Variants in MGAM2 observed in about 807,000 individuals in gnomAD.
MGAM2 encodes maltase-glucoamylase 2 (putative), also known as probable maltase-glucoamylase 2.
Under a neutral mutation model 96.1 loss-of-function variants are expected in MGAM2, and 98 were observed. The ratio of observed to expected loss-of-function variants is 1.02; its 90% CI spans 0.87 to 1.21. The LOEUF (loss-of-function observed/expected upper bound fraction) is 1.21. MGAM2 is among the 50% of genes most tolerant of loss of function. The pLI, the probability that MGAM2 is intolerant of heterozygous loss-of-function variation, is 0.00. For synonymous variants in MGAM2, 749 were observed against 414.8 expected (o/e 1.81, Z -9.79); for missense variants, 2,055 against 1,182.4 (o/e 1.74, Z -10.82).
rs769862357 is a variant in MGAM2, at chr7:142,198,636, G to A, written c.4945G>A (p.Gly1649Ser). Reference sequence around the variant, plus strand: ...CTAGGGAACTAGCAGCACATCAACAGGTCAGAGGAAAATCCTGAAGGCTCC... The same window carrying A: ...CTAGGGAACTAGCAGCACATCAACAAGTCAGAGGAAAATCCTGAAGGCTCC... ...YSTGTSSTST[G>S]QRKILKAPLD... The change falls in exon 44 of 48, where the codon GGT (glycine) becomes AGT (serine). Residue 1649 changes from glycine to serine, a missense_variant. Gly to Ser is a moderately conservative substitution (Grantham distance 56, BLOSUM62 0). Coordinates refer to ENST00000477922, the MANE Select transcript of MGAM2 (RefSeq NM_001293626.2). 4.3e-6 allele frequency: 3 copies of A among 703,114 alleles called. No homozygotes were observed. In the South Asian group the frequency reaches 4.4e-5, roughly 10 times the overall value. The allele number at this position is 703,114 out of a possible 1,614,324, so 43.6% of individuals were successfully genotyped here.
chr7:142,121,113 ATCT>A (rs1450627884), intron 3 of MGAM2, among the ~76,000 whole-genome samples: 1 of 152,172 alleles, frequency 6.6e-6, no homozygotes, highest in Non-Finnish European at 1.5e-5. Context: ...ATAGTTTTGA[ATCT>A]TCTTGTTATA....
chr7:142,190,386 C>T (rs1796834793), intron 37 of MGAM2, among the ~76,000 whole-genome samples: 1 of 151,138 alleles, frequency 6.6e-6, no homozygotes, highest in Admixed American at 6.6e-5. Flanking sequence ...ATTCTCCAGC[C>T]TCAGACTCCC....
At chr7:142,191,150 TG>T (rs1445227365) in intron 37 of MGAM2, among the ~76,000 whole-genome samples, 24 of 152,014 alleles carry the variant, frequency 1.6e-4, no homozygotes, top group Admixed American at 1.6e-3. Context: ...AAAAAATTAT[TG>T]GATCGTAAGA....
rs766688437 is a variant in MGAM2 at position 142,166,149 on chromosome 7, A to C, written c.2704A>C (p.Ile902Leu). ...ACTGGTACTGGGACAAGAATTCTCT[A>C]TTAGGTGGAATCTTCCTGTCAGTGA... ...QGLVLGQEFS[I>L]RWNLPVSDLE... Residue 902 changes from isoleucine to leucine, a missense_variant, in exon 25 of 48, where the codon ATT becomes CTT. Coordinates refer to ENST00000477922, the MANE Select transcript of MGAM2 (RefSeq NM_001293626.2). 1 of 702,496 alleles carries C rather than the reference A, an allele frequency of 1.4e-6. No homozygotes were observed. Among genetic ancestry groups the C allele is most frequent in the South Asian group, 1.5e-5 (1 of 67,492 alleles). 43.5% of individuals were successfully genotyped at this position (702,496 alleles called of 1,614,324 possible).
At chr7:142,189,637 G>T (rs896618249) in intron 37 of MGAM2, 132 bp downstream of exon 37, 2 of 480,254 alleles carry the variant, frequency 4.2e-6, no homozygotes, top group Non-Finnish European at 3.7e-6. Context: ...AGGCACGGTT[G>T]CCCAAGCAAC....
chr7:142,136,796 T>C (rs1795073883), intron 8 of MGAM2, among the ~76,000 whole-genome samples, 156 bp downstream of exon 8: 1 of 152,238 alleles, frequency 6.6e-6, no homozygotes, highest in Non-Finnish European at 1.5e-5. Context: ...TAGGTTAATC[T>C]GTCTACAAAT....
At chr7:142,210,726 C>A (rs1282484552) in intron 46 of MGAM2, among the ~76,000 whole-genome samples, 1 of 152,256 alleles carries the variant, frequency 6.6e-6, no homozygotes, top group African/African-American at 2.4e-5. Context: ...CTCTCTGGGA[C>A]AGACACCTGG....
chr7:142,153,799 T>G (rs1469755944), intron 15 of MGAM2, among the ~76,000 whole-genome samples: 1 of 152,168 alleles, frequency 6.6e-6, no homozygotes, highest in African/African-American at 2.4e-5. Flanking sequence ...CTATGGGGGC[T>G]AGAATATAGA....
intron 47 of MGAM2, among the ~76,000 whole-genome samples, chr7:142,219,527 G>T (rs1401974329): frequency 6.6e-6 from 1 of 152,162 alleles, no homozygotes; most frequent in African/African-American, 2.4e-5. Context: ...AGGAAAACAT[G>T]AAACTAACCT....
rs932776097 is a variant in MGAM2 at position 142,141,417 on chromosome 7, A to C, written c.1317+298A>C. Among the ~76,000 whole-genome samples the C allele has an allele frequency of 4.6e-5, 7 of 152,286 alleles. No individual in the cohort carries two copies. The South Asian group carries it at 6.2e-4, about 14-fold the overall frequency. On this transcript the variant is annotated intron_variant, in intron 12 of 47. Transcript: ENST00000477922. ...CCAAATTTCTCTTTCCCAAGACAAT[A>C]AATTCAACTACAAAAATATAGCAAG...
chr7:142,184,035 T>A (rs1358453057), intron 33 of MGAM2, among the ~76,000 whole-genome samples: 1 of 144,438 alleles, frequency 6.9e-6, no homozygotes, highest in African/African-American at 2.5e-5. Flanking sequence ...TGCAGTGGTA[T>A]GATCTTGGCT....
chr7:142,156,381 T>A (rs555036862), intron 17 of MGAM2, among the ~76,000 whole-genome samples: 1 of 152,240 alleles, frequency 6.6e-6, no homozygotes, highest in Non-Finnish European at 1.5e-5. Flanking sequence ...TCGCAATTTG[T>A]ATGCTAAGAT....
chr7:142,190,784 T>C (rs963774472), intron 37 of MGAM2, among the ~76,000 whole-genome samples: 1 of 152,192 alleles, frequency 6.6e-6, no homozygotes, highest in Non-Finnish European at 1.5e-5. Context: ...TTTGTATATA[T>C]TCAAATATCT....
chr7:142,211,223 G>A (rs1009997461), intron 46 of MGAM2, among the ~76,000 whole-genome samples: 5 of 152,164 alleles, frequency 3.3e-5, no homozygotes, highest in South Asian at 4.1e-4. Flanking sequence ...ATAAATCCAC[G>A]AAGATGAGGA....
chr7:142,198,117 A>T (rs1391793854), intron 42 of MGAM2, 22 bp from the exon 43 acceptor site: 2 of 700,454 alleles, frequency 2.9e-6, no homozygotes, highest in Middle Eastern at 2.3e-4. Context: ...ATTCATAATG[A>T]CATGTCAATT....
At chr7:142,193,156 A>G (rs1563287040) in intron 37 of MGAM2, among the ~76,000 whole-genome samples, 1 of 152,098 alleles carries the variant, frequency 6.6e-6, no homozygotes, top group Non-Finnish European at 1.5e-5. Context: ...TTTAATTCCC[A>G]TACACCTTGA....
At chr7:142,192,348 A>C (rs1796896168) in intron 37 of MGAM2, among the ~76,000 whole-genome samples, 1 of 152,154 alleles carries the variant, frequency 6.6e-6, no homozygotes, top group Non-Finnish European at 1.5e-5. Context: ...GAAAACACCC[A>C]TGTCATTATA....
chr7:142,218,453 C>T lies in MGAM2; in HGVS notation c.5280C>T (p.Thr1760=), dbSNP rs1372652946. ...VGYIRIWGVN[T]YVTQVSFTYD... ...ATATTAGAATCTGGGGTGTGAATAC[C>T]TATGTGACACAAGTCAGTTTCACCT... is the stretch of plus-strand genomic sequence containing the variant. The change falls in exon 47 of 48, where the codon ACC becomes ACT. Residue 1760 remains threonine (T), a synonymous_variant. Coordinates refer to ENST00000477922, the MANE Select transcript of MGAM2 (RefSeq NM_001293626.2). 4 of 702,000 alleles carry T rather than the reference C, an allele frequency of 5.7e-6. No individual in the cohort carries two copies. The highest frequency in any genetic ancestry group is 1.0e-5 in the Non-Finnish European group (4 of 384,716). 43.5% of individuals were successfully genotyped at this position (702,000 alleles called of 1,614,324 possible). A position where few individuals can be genotyped will look rare whatever the true frequency, so the allele number is the denominator to read the frequency against.
intron 3 of MGAM2, among the ~76,000 whole-genome samples, chr7:142,126,833 T>G (rs1296274206): frequency 6.6e-6 from 1 of 152,188 alleles, no homozygotes; most frequent in Non-Finnish European, 1.5e-5. Flanking sequence ...ACAAAACTTA[T>G]CCTCACACTA....
Sources: allele counts gnomAD v4.1 joint callset (sites outside exome capture counted in the v4.1 genomes callset), GRCh38; gene constraint gnomAD v4.1.1; transcripts MANE v1.5; gene names NCBI Gene and HGNC (gene_info 2026-07-23, HGNC 2026-07-21).